The following RPS6KC1 variants were observed in gnomAD, a reference collection of about 807,000 sequenced individuals.
RPS6KC1 encodes the protein ribosomal protein S6 kinase C1, also known as inactive ribosomal protein S6 kinase delta-1.
In RPS6KC1, 54 loss-of-function variants were observed where a neutral mutation model predicts 103.8. The observed-to-expected ratio is 0.52, with a 90% CI of 0.42 to 0.65. The LOEUF is 0.65. RPS6KC1 is among the 30% of genes least tolerant of loss of function. RPS6KC1 has a pLI of 0.00. For synonymous variants in RPS6KC1, 439 were observed against 438.7 expected (o/e 1.00, Z -0.01); for missense variants, 1,151 against 1,253.8 (o/e 0.92, Z 1.24).
the RPS6KC1 span, among the ~76,000 whole-genome samples, chr1:213,401,373 GGTCT>G: frequency 1.3e-5 from 2 of 152,206 alleles, no homozygotes; most frequent in African/African-American, 4.8e-5. Flanking sequence ...TTAAAAGCCA[GGTCT>G]GTCTGCCACA....
At chr1:213,836,502 C>T in the RPS6KC1 span, among the ~76,000 whole-genome samples, 2 of 152,068 alleles carry the variant, frequency 1.3e-5, no homozygotes, top group South Asian at 4.1e-4. Context: ...TCTTCCCACT[C>T]TTCTCAGTCT....
At chr1:213,194,764 G>A (rs768574625) in intron 8 of RPS6KC1, among the ~76,000 whole-genome samples, 4 of 152,192 alleles carry the variant, frequency 2.6e-5, no homozygotes, top group Non-Finnish European at 5.9e-5. Flanking sequence ...ATCTGAGGTA[G>A]AACAGTATCA....
chr1:213,859,649 C>T, the RPS6KC1 span, among the ~76,000 whole-genome samples: 6 of 152,124 alleles, frequency 3.9e-5, no homozygotes, highest in South Asian at 6.2e-4. Context: ...TTCTGACTCC[C>T]GTTCTAGATG....
At chr1:213,432,929 A>G in the RPS6KC1 span, among the ~76,000 whole-genome samples, 1 of 152,186 alleles carries the variant, frequency 6.6e-6, no homozygotes, top group Non-Finnish European at 1.5e-5. Context: ...GCTATTGTAA[A>G]TAAAGCTGCT....
At chr1:213,357,005 C>A in the RPS6KC1 span, among the ~76,000 whole-genome samples, 5 of 152,290 alleles carry the variant, frequency 3.3e-5, no homozygotes, top group South Asian at 8.3e-4. Context: ...GCTGTGGGCA[C>A]CAGCACAGGG....
chr1:213,275,611 T>C (rs1272571963), downstream of RPS6KC1, among the ~76,000 whole-genome samples: 1 of 152,192 alleles, frequency 6.6e-6, no homozygotes, highest in Non-Finnish European at 1.5e-5. Flanking sequence ...AATAGTTATG[T>C]ATATTTATGG....
the RPS6KC1 span, among the ~76,000 whole-genome samples, chr1:213,695,694 A>G: frequency 6.6e-6 from 1 of 152,186 alleles, no homozygotes; most frequent in Non-Finnish European, 1.5e-5. Flanking sequence ...CCTCTTGGGG[A>G]GTTTGCCTTC....
intron 7 of RPS6KC1, among the ~76,000 whole-genome samples, chr1:213,170,311 G>C (rs1420227778): frequency 1.3e-5 from 2 of 152,112 alleles, no homozygotes; most frequent in African/African-American, 4.8e-5. Flanking sequence ...ATATCAGTCA[G>C]AATTTCTTCA....
chr1:213,669,734 C>G, the RPS6KC1 span, among the ~76,000 whole-genome samples: 167 of 152,242 alleles, frequency 1.1e-3, no homozygotes, highest in Non-Finnish European at 1.6e-3. Context: ...ATGGTACAAG[C>G]AGACAGGTTT....
chr1:213,284,969 C>T, the RPS6KC1 span, among the ~76,000 whole-genome samples: 1 of 152,364 alleles, frequency 6.6e-6, no homozygotes, highest in East Asian at 1.9e-4. Flanking sequence ...TCCAGCAAAA[C>T]TGACTTTTAA....
intron 6 of RPS6KC1, among the ~76,000 whole-genome samples, chr1:213,166,296 G>A (rs1255554748): frequency 6.6e-6 from 1 of 152,146 alleles, no homozygotes; most frequent in Non-Finnish European, 1.5e-5. Flanking sequence ...AATGAGAAGA[G>A]CTAATGACAA....
chr1:213,603,020 T>C, the RPS6KC1 span, among the ~76,000 whole-genome samples: 1 of 152,210 alleles, frequency 6.6e-6, no homozygotes, highest in South Asian at 2.1e-4. Context: ...TCCTGTTGTG[T>C]TAGTGGAACC....
the RPS6KC1 span, among the ~76,000 whole-genome samples, chr1:213,691,428 A>G: frequency 6.6e-6 from 1 of 151,974 alleles, no homozygotes; most frequent in Non-Finnish European, 1.5e-5. Context: ...GTGCAAAGGG[A>G]CTCCTTAGTG....
chr1:213,263,716 A>C (rs1342042925), intron 14 of RPS6KC1, among the ~76,000 whole-genome samples: 1 of 152,208 alleles, frequency 6.6e-6, no homozygotes, highest in African/African-American at 2.4e-5. Context: ...TTCATTCAAC[A>C]AATATTATAT....
intron 6 of RPS6KC1, among the ~76,000 whole-genome samples, chr1:213,146,199 A>G (rs1490499369): frequency 6.6e-6 from 1 of 150,982 alleles, no homozygotes; most frequent in Non-Finnish European, 1.5e-5. Context: ...AGTTCCATCC[A>G]TGGCGTCGCA....
chr1:213,171,783 A>C (rs919980098), intron 7 of RPS6KC1, among the ~76,000 whole-genome samples: 3 of 152,214 alleles, frequency 2.0e-5, no homozygotes, highest in Non-Finnish European at 4.4e-5. Flanking sequence ...ATAGGTCTGC[A>C]ATTTAGTGTC....
intron 3 of RPS6KC1, among the ~76,000 whole-genome samples, chr1:213,102,726 T>C (rs1317625745): frequency 6.6e-6 from 1 of 152,210 alleles, no homozygotes; most frequent in Non-Finnish European, 1.5e-5. Context: ...AATTGACTGC[T>C]ACTTGCCTGC....
the RPS6KC1 span, among the ~76,000 whole-genome samples, chr1:213,614,286 A>G: frequency 2.0e-5 from 3 of 152,232 alleles, no homozygotes; most frequent in African/African-American, 7.2e-5. Context: ...CTAGACCAGG[A>G]AAGGTGCCCC....
intron 6 of RPS6KC1, among the ~76,000 whole-genome samples, chr1:213,145,643 T>C (rs1029915541): frequency 6.6e-6 from 1 of 152,094 alleles, no homozygotes; most frequent in Non-Finnish European, 1.5e-5. Flanking sequence ...GTAGAATACA[T>C]AGAAGGAGTA....
Sources: gnomAD v4.1 joint callset for allele counts (sites outside exome capture counted in the v4.1 genomes callset) on GRCh38, gnomAD v4.1.1 for gene constraint, MANE v1.5 for transcripts, NCBI Gene and HGNC (gene_info 2026-07-23, HGNC 2026-07-21) for gene names.